Variants in CIMIP2A observed in about 807,000 individuals in gnomAD.
CIMIP2A encodes ciliary microtubule inner protein 2A.
At chr9:137,246,623 C>A in the CIMIP2A span, among the ~76,000 whole-genome samples, 2 of 152,164 alleles carry the variant, frequency 1.3e-5, no homozygotes, top group Admixed American at 1.3e-4. Context: ...GTTATCCAGG[C>A]ATTGGTGGCG....
chr9:137,252,536 G>T, the CIMIP2A span: 1 of 1,576,690 alleles, frequency 6.3e-7, no homozygotes, highest in Admixed American at 1.8e-5. Flanking sequence ...GTTGGGGGCT[G>T]GGCAGGAAGG....
At chr9:137,245,268 G>C in the CIMIP2A span, 4 of 1,574,092 alleles carry the variant, frequency 2.5e-6, no homozygotes, top group Non-Finnish European at 3.5e-6. Context: ...ACCTGGGGCT[G>C]AGCGGAATGG....
At chr9:137,249,505 TG>T in the CIMIP2A span, among the ~76,000 whole-genome samples, 2 of 151,626 alleles carry the variant, frequency 1.3e-5, no homozygotes, top group South Asian at 2.1e-4. Context: ...GGGTGATGCT[TG>T]GGGGGTGCGG....
At chr9:137,251,767 C>T in the CIMIP2A span, 141 of 1,582,420 alleles carry the variant, frequency 8.9e-5, no homozygotes, top group Middle Eastern at 1.7e-4. Context: ...TTGTTGGGCC[C>T]GGAGCCGGGG....
the CIMIP2A span, chr9:137,252,942 C>T: frequency 2.7e-5 from 43 of 1,599,820 alleles, no homozygotes; most frequent in East Asian, 3.6e-4. Context: ...CGCTCCCCTG[C>T]GTTCACCTCC....
At chr9:137,250,061 G>A in the CIMIP2A span, among the ~76,000 whole-genome samples, 3 of 152,176 alleles carry the variant, frequency 2.0e-5, no homozygotes, top group Admixed American at 2.0e-4. Flanking sequence ...AATGGTGAAG[G>A]AAATGAATTA....
the CIMIP2A span, among the ~76,000 whole-genome samples, chr9:137,249,881 TA>T: frequency 6.6e-6 from 1 of 152,174 alleles, no homozygotes; most frequent in Non-Finnish European, 1.5e-5. Context: ...TCCAGCAAAT[TA>T]ACCCAAAGAC....
chr9:137,247,269 G>C, the CIMIP2A span, among the ~76,000 whole-genome samples: 1 of 152,236 alleles, frequency 6.6e-6, no homozygotes, highest in East Asian at 1.9e-4. Flanking sequence ...TGGGTAATAA[G>C]AGCGAAACTC....
chr9:137,244,336 CAGAT>C, the CIMIP2A span: 6,640 of 1,611,110 alleles, frequency 4.1e-3, 31 homozygotes, highest in Middle Eastern at 6.3e-3. Flanking sequence ...GGCAGGCAAA[CAGAT>C]AGTCAAGTTG....
the CIMIP2A span, chr9:137,252,608 T>G: frequency 6.6e-7 from 1 of 1,517,736 alleles, no homozygotes; most frequent in African/African-American, 1.4e-5. Context: ...GGGGGCTGGC[T>G]GAGGGTCCGT....
the CIMIP2A span, chr9:137,245,952 C>T: frequency 9.8e-7 from 1 of 1,017,344 alleles, no homozygotes; most frequent in South Asian, 2.5e-5. Context: ...CTGCTGGCCA[C>T]TTAGCAGCAG....
chr9:137,248,859 C>T, the CIMIP2A span, among the ~76,000 whole-genome samples: 2 of 152,098 alleles, frequency 1.3e-5, no homozygotes, highest in Admixed American at 6.6e-5. Flanking sequence ...CAGAACCAGA[C>T]CATTTCTCAC....
chr9:137,252,076 C>G, the CIMIP2A span: 1 of 1,612,782 alleles, frequency 6.2e-7, no homozygotes, highest in African/African-American at 1.3e-5. Flanking sequence ...CCGAGCCCGT[C>G]CGTACGAGAG....
At chr9:137,246,873 T>C in the CIMIP2A span, among the ~76,000 whole-genome samples, 1 of 152,202 alleles carries the variant, frequency 6.6e-6, no homozygotes, top group Non-Finnish European at 1.5e-5. Context: ...CCCCTTTGCA[T>C]GTAGCGTGTG....
the CIMIP2A span, chr9:137,253,032 C>T: frequency 6.5e-7 from 1 of 1,533,194 alleles, no homozygotes; most frequent in Non-Finnish European, 8.8e-7. Flanking sequence ...GACAAGGGTT[C>T]AGGGGCCGGG....
the CIMIP2A span, chr9:137,245,021 GCT>G: frequency 6.2e-7 from 1 of 1,610,208 alleles, no homozygotes; most frequent in Non-Finnish European, 8.5e-7. Flanking sequence ...CTCCTCAGGG[GCT>G]CTCACACTGC....
chr9:137,245,967 G>A, the CIMIP2A span: 1 of 804,974 alleles, frequency 1.2e-6, no homozygotes, highest in Non-Finnish European at 1.8e-6. Context: ...CAGCAGGTTG[G>A]CCTGTGGCAG....
the CIMIP2A span, among the ~76,000 whole-genome samples, chr9:137,248,813 A>T: frequency 2.0e-5 from 3 of 152,214 alleles, no homozygotes; most frequent in African/African-American, 7.2e-5. Context: ...GGCTGTAGTG[A>T]GCTGAGATCG....
At chr9:137,248,534 C>T in the CIMIP2A span, among the ~76,000 whole-genome samples, 145 of 99,256 alleles carry the variant, frequency 1.5e-3, no homozygotes, top group Middle Eastern at 0.038. Context: ...CAGAGTGAGA[C>T]TCTGTCTCAA....
Sources: gnomAD v4.1 joint callset for allele counts (sites outside exome capture counted in the v4.1 genomes callset) on GRCh38, gnomAD v4.1.1 for gene constraint, MANE v1.5 for transcripts, NCBI Gene and HGNC (gene_info 2026-07-23, HGNC 2026-07-21) for gene names.